PRDM1: variants seen among roughly 807,000 people sequenced by gnomAD.
PRDM1 encodes PR domain zinc finger protein 1.
A neutral mutation model predicts 62.8 loss-of-function variants in PRDM1; 13 were observed. The ratio of observed to expected loss-of-function variants is 0.21; its 90% CI spans 0.13 to 0.33. The LOEUF is 0.33. Among genes scored for constraint, PRDM1 ranks in the 10% least tolerant of loss-of-function variants. The probability of loss-of-function intolerance (pLI) is 1.00; values close to 1 mark genes in which losing one functional copy is unlikely to be tolerated. For missense variants in PRDM1, 895 were observed against 1,058.8 expected (o/e 0.85, Z 2.15); for synonymous variants, 396 against 417.6 (o/e 0.95, Z 0.63).
In PRDM1 at chr6:106,099,390, C is replaced by G. The variant is rs587778623; in HGVS notation, c.502C>G (p.Pro168Ala). The G allele has an allele frequency of 7.4e-6, 12 of 1,614,216 alleles. 1 individual carries two copies. In the South Asian group the frequency reaches 1.3e-4, roughly 18 times the overall value. ...WMRYVNPAHSPREQNLAACQN... is the reference protein window; with the variant it reads ...WMRYVNPAHSAREQNLAACQN... ...GCGCTATGTGAATCCAGCACACTCT[C>G]CCCGGGAGCAAAACCTGGCTGCGTG... The change falls in exon 4 of 7, where the codon CCC becomes GCC. Residue 168 changes from proline to alanine, a missense_variant. Transcript: ENST00000369096.
intron 1 of PRDM1, among the ~76,000 whole-genome samples, chr6:106,002,850 T>C (rs1247412244): frequency 6.6e-6 from 1 of 152,218 alleles, no homozygotes; most frequent in Non-Finnish European, 1.5e-5. Flanking sequence ...TTTTCTGTTC[T>C]GAGCTTCACT....
chr6:106,021,464 G>C (rs151204674), intron 1 of PRDM1, among the ~76,000 whole-genome samples: 1 of 152,306 alleles, frequency 6.6e-6, no homozygotes, highest in East Asian at 1.9e-4. Context: ...GACAGGGTTG[G>C]TTTTCTCTGA....
intron 4 of PRDM1, among the ~76,000 whole-genome samples, chr6:106,104,154 A>C (rs1202175086): frequency 1.3e-5 from 2 of 151,866 alleles, no homozygotes; most frequent in African/African-American, 4.8e-5. Flanking sequence ...ACTTTTATTA[A>C]CCTATGACAG....
At chr6:106,099,103 C>T in intron 3 of PRDM1, 197 bp from the exon 4 acceptor site, 1 of 1,613,928 alleles carries the variant, frequency 6.2e-7, no homozygotes, top group Non-Finnish European at 8.5e-7. Flanking sequence ...AGGTAACTGA[C>T]AAAAGTGTGC....
chr6:106,003,523 A>G (rs533858028), intron 1 of PRDM1, among the ~76,000 whole-genome samples: 12 of 152,282 alleles, frequency 7.9e-5, no homozygotes, highest in South Asian at 2.1e-4. Flanking sequence ...TTAAAAAATT[A>G]TCTTTAGCTT....
At chr6:106,009,360 G>A (rs568183731) in intron 1 of PRDM1, among the ~76,000 whole-genome samples, 16 of 152,208 alleles carry the variant, frequency 1.1e-4, no homozygotes, top group South Asian at 4.1e-4. Context: ...CTTTTGGTCC[G>A]GAAAGCTGGA....
At position 106,001,656 on chromosome 6, in the gene PRDM1, G is replaced by A. The variant is rs938590302; in HGVS notation, c.-67+8017G>A. Among the ~76,000 whole-genome samples, 2 of 152,038 alleles carry A rather than the reference G, an allele frequency of 1.3e-5. 1 individual carries two copies. The highest frequency in any genetic ancestry group is 1.3e-4 in the Admixed American group (2 of 15,258). ...TCATGTATCAGTTTTATGTATACTT[G>A]TGTATGTCTCTTTTCTTGTCATTGG... is the stretch of plus-strand genomic sequence containing the variant. On this transcript the variant is annotated intron_variant, in intron 1 of 6. Transcript: ENST00000652320.
rs749956643 is a variant in PRDM1, at chr6:106,107,327, A to C, written c.2319A>C (p.Lys773Asn). Residue 773 changes from lysine (K) to asparagine (N), a missense_variant, in exon 7 of 7, where the codon AAA (lysine) becomes AAC (asparagine). Lys to Asn is a moderately conservative substitution (Grantham distance 94). Transcript: ENST00000369096. ...VRKEKEETGL[K>N]VSLQRNMGNG... ...AAGAGAAAGAAGAAACTGGCCTGAA[A>C]GTGTCTTTGCAAAGAAACATGGGGA... The C allele has an allele frequency of 1.2e-6, 2 of 1,614,010 alleles. No homozygotes were observed. Among genetic ancestry groups the C allele is most frequent in the African/African-American group, 2.7e-5 (2 of 74,876 alleles).
intron 1 of PRDM1, among the ~76,000 whole-genome samples, chr6:106,049,728 C>T (rs1773141772): frequency 6.6e-6 from 1 of 152,192 alleles, no homozygotes; most frequent in Non-Finnish European, 1.5e-5. Flanking sequence ...TGTACTATGC[C>T]AGACTGGAAA....
intron 1 of PRDM1, among the ~76,000 whole-genome samples, chr6:106,023,990 A>T (rs1482749001): frequency 1.3e-5 from 2 of 152,086 alleles, no homozygotes; most frequent in Admixed American, 6.6e-5. Flanking sequence ...AAAAATTTAC[A>T]AATTAGCCAG....
upstream of PRDM1, among the ~76,000 whole-genome samples, chr6:105,992,880 C>G (rs904756457): frequency 6.6e-6 from 1 of 152,166 alleles, no homozygotes; most frequent in African/African-American, 2.4e-5. Context: ...GCTTTCTAGG[C>G]GTGTGTCTCC....
intron 2 of PRDM1, among the ~76,000 whole-genome samples, chr6:106,094,911 AC>A (rs372587433): frequency 0.36 from 46,171 of 128,412 alleles, 7,584 homozygotes; most frequent in Middle Eastern, 0.47. Context: ...TTTAAAACAC[AC>A]ACACACACAC....
At chr6:106,077,083 A>G (rs1310454850) in intron 1 of PRDM1, among the ~76,000 whole-genome samples, 1 of 152,234 alleles carries the variant, frequency 6.6e-6, no homozygotes, top group Non-Finnish European at 1.5e-5. Flanking sequence ...ATAAACATGA[A>G]CATCTTAATG....
At chr6:106,008,377 A>C (rs1030537534) in intron 1 of PRDM1, among the ~76,000 whole-genome samples, 2 of 152,206 alleles carry the variant, frequency 1.3e-5, no homozygotes, top group Admixed American at 6.5e-5. Context: ...GTCTCAAAAA[A>C]AAAGAAATGG....
chr6:106,004,151 G>A (rs2114544566), intron 1 of PRDM1, among the ~76,000 whole-genome samples: 1 of 152,112 alleles, frequency 6.6e-6, no homozygotes, highest in South Asian at 2.1e-4. Context: ...GGCTATTGTG[G>A]CTCTCTGCAG....
chr6:106,027,397 A>C (rs1772778914), intron 1 of PRDM1, among the ~76,000 whole-genome samples: 1 of 152,264 alleles, frequency 6.6e-6, no homozygotes, highest in South Asian at 2.1e-4. Context: ...TCTTTTGAGC[A>C]TTAATTAAGA....
At position 106,059,383 on chromosome 6, in the gene PRDM1, G is replaced by A. The variant is rs150630073; in HGVS notation, c.-67+10669G>A. Among the ~76,000 whole-genome samples, 3 of 152,278 alleles carry A rather than the reference G, an allele frequency of 2.0e-5. No individual in the cohort carries two copies. In the East Asian group the frequency reaches 5.8e-4, roughly 29 times the overall value. On this transcript the variant is annotated intron_variant, in intron 1 of 6. Coordinates refer to the PRDM1 transcript ENST00000651185. ...TGTCACGTGTGGTAGAAATTCAAAGGTGGGAATGTGCTTGTTTGTCAAAGA... is the reference window on the plus strand; with the variant it reads ...TGTCACGTGTGGTAGAAATTCAAAGATGGGAATGTGCTTGTTTGTCAAAGA...
intron 1 of PRDM1, among the ~76,000 whole-genome samples, chr6:106,053,187 A>T (rs1773207055): frequency 6.6e-6 from 1 of 152,102 alleles, no homozygotes; most frequent in Admixed American, 6.6e-5. Context: ...TTTTATTTAC[A>T]CTGGTTTAGG....
At chr6:106,100,729 T>C (rs1383998164) in intron 4 of PRDM1, 1 of 152,188 alleles carries the variant, frequency 6.6e-6, no homozygotes, top group Non-Finnish European at 1.5e-5. Flanking sequence ...ATTGCAAGAT[T>C]GTGTTTGCAG....
Sources: allele counts gnomAD v4.1 joint callset (sites outside exome capture counted in the v4.1 genomes callset), GRCh38; gene constraint gnomAD v4.1.1; transcripts MANE v1.5; gene names NCBI Gene and HGNC (gene_info 2026-07-23, HGNC 2026-07-21).